The following SYN1 variants were observed in gnomAD, a reference collection of about 807,000 sequenced individuals.
The protein encoded by SYN1 is synapsin-1.
A neutral mutation model predicts 44.6 loss-of-function variants in SYN1; 8 were observed. The observed-to-expected ratio is 0.18, with a 90% CI of 0.11 to 0.32. SYN1 has a LOEUF of 0.32. SYN1 is among the 10% of genes least tolerant of loss of function. The probability of loss-of-function intolerance (pLI) is 1.00; values close to 1 mark genes in which losing one functional copy is unlikely to be tolerated. For missense variants in SYN1, 451 were observed against 639.4 expected (o/e 0.71, Z 3.18); for synonymous variants, 275 against 280.1 (o/e 0.98, Z 0.18).
In SYN1 at chrX:47,575,281, G is replaced by A. The variant is rs767722750; in HGVS notation, c.1159-7C>T. 6.6e-6 allele frequency: 8 copies of A among 1,209,750 alleles called. No individual in the cohort carries two copies. The Admixed American group carries it at 1.1e-4, about 16-fold the overall frequency. ...GCATGGAGGAACCCACCACCTGGGG[G>A]AAGGAAAGGATCCGTGAGGGGAGAG... On this transcript the variant is annotated splice_region_variant and splice_polypyrimidine_tract_variant and intron_variant, in intron 9 of 12. Coordinates refer to ENST00000295987, the MANE Select transcript of SYN1 (RefSeq NM_006950.3).
chrX:47,579,076 C>T (rs1047633993), intron 5 of SYN1, among the ~76,000 whole-genome samples: 6 of 111,507 alleles, frequency 5.4e-5, no homozygotes, highest in Admixed American at 9.5e-5. Flanking sequence ...AACCCAGATC[C>T]GCTTTGCCGA....
chrX:47,607,803 G>A (rs1270295417), intron 1 of SYN1, among the ~76,000 whole-genome samples: 1 of 109,796 alleles, frequency 9.1e-6, no homozygotes, highest in East Asian at 2.8e-4. Context: ...AGGCCAAGGC[G>A]GGTGGATCAC....
At position 47,585,181 on chromosome X, in the gene SYN1, AC is replaced by A. The variant is rs375590721; in HGVS notation, c.775-7681del. ...TGGGAGGATTATGTCAGTAAAAGAG[AC>A]ACTTCCCCTCATCCATCAACAGATG... On this transcript the variant is annotated intron_variant, in intron 5 of 12. Transcript: ENST00000295987. 6.0e-6 allele frequency: 7 copies of A among 1,169,831 alleles called. No homozygotes were observed. The African/African-American group carries it at 8.8e-5, about 15-fold the overall frequency.
At chrX:47,579,085 G>A (rs1224290930) in intron 5 of SYN1, among the ~76,000 whole-genome samples, 1 of 111,458 alleles carries the variant, frequency 9.0e-6, no homozygotes, top group African/African-American at 3.3e-5. Flanking sequence ...CCGCTTTGCC[G>A]AGGCTGGTAG....
chrX:47,576,702 G>T, intron 6 of SYN1, 62 bp from the exon 7 acceptor site: 1 of 1,188,946 alleles, frequency 8.4e-7, no homozygotes, highest in Non-Finnish European at 1.1e-6. Flanking sequence ...GGGAGTGGGG[G>T]TGCCTGGGGG....
intron 5 of SYN1, among the ~76,000 whole-genome samples, chrX:47,579,765 G>A (rs1007441725): frequency 9.0e-5 from 10 of 110,941 alleles, no homozygotes; most frequent in East Asian, 2.8e-4. Flanking sequence ...ACTCAGCCCC[G>A]TCTCATTCAC....
chrX:47,604,198 C>T lies in SYN1; in HGVS notation c.774+780G>A, dbSNP rs186455498. Among the ~76,000 whole-genome samples the T allele has an allele frequency of 8.2e-3, 910 of 110,876 alleles. 28 individuals carry two copies. The highest frequency in any genetic ancestry group is 0.065 in the Admixed American group (674 of 10,415). ...TGTTGGGATTACAGGCATGAGCCAC[C>T]GCGCCCGGCCAGTGATTATATTTCA... On this transcript the variant is annotated intron_variant, in intron 5 of 12. Transcript: ENST00000295987.
chrX:47,607,092 A>G, intron 2 of SYN1, 49 bp downstream of exon 2: 2 of 1,206,260 alleles, frequency 1.7e-6, no homozygotes, highest in Non-Finnish European at 2.2e-6. Context: ...ATGGCCACTC[A>G]GTTTGCAGTA....
intron 5 of SYN1, among the ~76,000 whole-genome samples, chrX:47,602,662 A>G (rs1157546362): frequency 9.0e-6 from 1 of 111,475 alleles, no homozygotes; most frequent in Non-Finnish European, 1.9e-5. Context: ...AGAAAAACTA[A>G]TGATTCAATC....
chrX:47,618,903 A>G (rs1569333303), intron 1 of SYN1, among the ~76,000 whole-genome samples: 1 of 111,617 alleles, frequency 9.0e-6, no homozygotes, highest in South Asian at 3.7e-4. Flanking sequence ...TCAGGCTCTC[A>G]AAGAATGCTC....
chrX:47,613,925 C>T (rs1396352474), intron 1 of SYN1, among the ~76,000 whole-genome samples: 1 of 111,682 alleles, frequency 9.0e-6, no homozygotes, highest in Non-Finnish European at 1.9e-5. Context: ...GGTTTGGGGA[C>T]ACAGAGGTTA....
chrX:47,607,005 T>C lies in SYN1; in HGVS notation c.467A>G (p.His156Arg), dbSNP rs1351252845. ...AEFSDLNLVA[H>R]ANGGFSVDME... Reference sequence around the variant, plus strand: ...ATCCACAGAGAATCCACCATTGGCATGGGCCACAAGGTTGAGATCAGAGAA... The same window carrying C: ...ATCCACAGAGAATCCACCATTGGCACGGGCCACAAGGTTGAGATCAGAGAA... The change falls in exon 3 of 13, where the codon CAT becomes CGT. Residue 156 changes from histidine to arginine, a missense_variant. His to Arg is a conservative substitution (Grantham distance 29, BLOSUM62 0). Transcript: ENST00000295987. The C allele has an allele frequency of 3.3e-6, 4 of 1,211,108 alleles. No homozygotes were observed. Among genetic ancestry groups the C allele is most frequent in the East Asian group, 5.9e-5 (2 of 33,833 alleles).
intron 5 of SYN1, among the ~76,000 whole-genome samples, chrX:47,601,511 T>C (rs1466518384): frequency 2.7e-5 from 3 of 111,880 alleles, no homozygotes; most frequent in Non-Finnish European, 1.9e-5. Flanking sequence ...AATCCTAGCA[T>C]TTTGGTAGGC....
chrX:47,607,998 C>T (rs1225639300), intron 1 of SYN1, among the ~76,000 whole-genome samples: 2 of 109,082 alleles, frequency 1.8e-5, no homozygotes, highest in African/African-American at 3.3e-5. Context: ...CTATTACACT[C>T]CAGCCTGGGC....
intron 1 of SYN1, among the ~76,000 whole-genome samples, chrX:47,609,889 G>A (rs775486457): frequency 9.0e-6 from 1 of 111,597 alleles, no homozygotes; most frequent in East Asian, 2.8e-4. Flanking sequence ...CAGGGTTTTG[G>A]AGTAGCGGTG....
At chrX:47,616,475 C>A (rs2057931700) in intron 1 of SYN1, among the ~76,000 whole-genome samples, 1 of 111,580 alleles carries the variant, frequency 9.0e-6, no homozygotes, top group African/African-American at 3.3e-5. Context: ...GAAGCAGACG[C>A]AAAGGACCTG....
rs183419019 is a variant in SYN1, at chrX:47,589,389, C to G, written c.775-11888G>C. ...TGGGCAGATCACGAGGTCAGGAGAT[C>G]GAGACCATCCTGGCTAACAAGGTGA... On this transcript the variant is annotated intron_variant, in intron 5 of 12. Coordinates refer to ENST00000295987, the MANE Select transcript of SYN1 (RefSeq NM_006950.3). Among the ~76,000 whole-genome samples, 372 of 106,703 alleles carry G rather than the reference C, an allele frequency of 3.5e-3. 5 individuals carry two copies. Among genetic ancestry groups the G allele is most frequent in the African/African-American group, 0.012 (352 of 29,159 alleles). 92.7% of individuals were successfully genotyped at this position (106,703 alleles called of 115,157 possible). A position where few individuals can be genotyped will look rare whatever the true frequency, so the allele number is the denominator to read the frequency against.
At chrX:47,615,629 G>A (rs956707206) in intron 1 of SYN1, among the ~76,000 whole-genome samples, 7 of 112,131 alleles carry the variant, frequency 6.2e-5, no homozygotes, top group Middle Eastern at 4.6e-3. Context: ...CCAGAGAGCC[G>A]GGCACGGTGG....
intron 5 of SYN1, among the ~76,000 whole-genome samples, chrX:47,588,434 C>A (rs776660799): frequency 1.8e-5 from 2 of 112,704 alleles, no homozygotes; most frequent in Non-Finnish European, 3.8e-5. Flanking sequence ...TCTTCCAAGC[C>A]CTAGGGGGAA....
Sources: gnomAD v4.1 joint callset for allele counts (sites outside exome capture counted in the v4.1 genomes callset) on GRCh38, gnomAD v4.1.1 for gene constraint, MANE v1.5 for transcripts, NCBI Gene and HGNC (gene_info 2026-07-23, HGNC 2026-07-21) for gene names.